SGCD: variants seen among roughly 807,000 people sequenced by gnomAD.
SGCD encodes sarcoglycan delta, also known as delta-sarcoglycan.
A neutral mutation model predicts 36.6 loss-of-function variants in SGCD; 18 were observed. That is an observed-to-expected ratio of 0.49 (90% CI 0.34 to 0.73). SGCD has a LOEUF of 0.73. Ranked by LOEUF, SGCD falls within the 30% of genes least tolerant of loss-of-function variation. The pLI is 0.01. For missense variants in SGCD, 387 were observed against 346.7 expected (o/e 1.12, Z -0.92); for synonymous variants, 133 against 130.6 (o/e 1.02, Z -0.12).
At chr5:156,525,722 T>C (rs1352292018) in intron 4 of SGCD, among the ~76,000 whole-genome samples, 1 of 152,172 alleles carries the variant, frequency 6.6e-6, no homozygotes, top group Non-Finnish European at 1.5e-5. Context: ...GGTCTTATGC[T>C]TAAGCCTTTA....
intron 4 of SGCD, among the ~76,000 whole-genome samples, chr5:156,569,572 A>C (rs1328784690): frequency 6.6e-6 from 1 of 151,598 alleles, no homozygotes; most frequent in African/African-American, 2.4e-5. Flanking sequence ...AGCCTGGGCG[A>C]CAGAGTGCAT....
At chr5:156,452,389 A>G (rs946733178) in intron 3 of SGCD, among the ~76,000 whole-genome samples, 3 of 152,122 alleles carry the variant, frequency 2.0e-5, no homozygotes, top group Non-Finnish European at 2.9e-5. Flanking sequence ...CTCTCTGACC[A>G]CATTCTCCTT....
chr5:156,687,811 A>G (rs1162324711), intron 7 of SGCD, among the ~76,000 whole-genome samples: 2 of 152,200 alleles, frequency 1.3e-5, no homozygotes, highest in Admixed American at 1.3e-4. Context: ...TCCCAAGCTG[A>G]TCACCATGTT....
the SGCD span, among the ~76,000 whole-genome samples, chr5:155,860,297 G>A: frequency 6.6e-6 from 1 of 152,178 alleles, no homozygotes; most frequent in South Asian, 2.1e-4. Context: ...ACTCCAAATG[G>A]TCATTTCCTG....
chr5:156,202,812 T>C (rs1419982535), intron 3 of SGCD, among the ~76,000 whole-genome samples: 1 of 150,846 alleles, frequency 6.6e-6, no homozygotes, highest in Non-Finnish European at 1.5e-5. Context: ...TTGGAGTTAA[T>C]GCAGTTGGGC....
chr5:156,406,799 TATATATATATATATATATATACACAC>T (rs1772439154), intron 3 of SGCD, among the ~76,000 whole-genome samples: 1 of 72,822 alleles, frequency 1.4e-5, no homozygotes, highest in East Asian at 5.1e-4. Context: ...TTTATATATA[TATATATATATATATATATATACACAC>T]ACACACACAC....
intron 6 of SGCD, among the ~76,000 whole-genome samples, chr5:156,597,168 T>C (rs752109396): frequency 3.3e-5 from 5 of 152,210 alleles, no homozygotes; most frequent in Non-Finnish European, 7.3e-5. Context: ...AGAGAAGATA[T>C]TTTTATACAA....
chr5:156,341,481 C>T (rs982581344), intron 2 of SGCD, among the ~76,000 whole-genome samples: 3 of 152,026 alleles, frequency 2.0e-5, no homozygotes, highest in Non-Finnish European at 4.4e-5. Flanking sequence ...AATGTTCCAC[C>T]CTGAGCTCCA....
intron 2 of SGCD, among the ~76,000 whole-genome samples, chr5:156,332,788 A>G (rs1274376559): frequency 1.3e-5 from 2 of 152,200 alleles, no homozygotes; most frequent in African/African-American, 2.4e-5. Context: ...AATACTCACA[A>G]TCTCTGGGGA....
At chr5:155,896,725 A>G (rs1190511214) in intron 1 of SGCD, among the ~76,000 whole-genome samples, 1 of 152,160 alleles carries the variant, frequency 6.6e-6, no homozygotes, top group Non-Finnish European at 1.5e-5. Flanking sequence ...AGTCATTTTC[A>G]AAATGTGCTC....
At chr5:156,713,307 G>T (rs945594785) in intron 7 of SGCD, among the ~76,000 whole-genome samples, 5 of 152,084 alleles carry the variant, frequency 3.3e-5, no homozygotes, top group East Asian at 1.9e-4. Context: ...ATGGACATGG[G>T]AGTTAGTTAT....
At chr5:156,657,126 A>G (rs1398424733) in intron 7 of SGCD, among the ~76,000 whole-genome samples, 2 of 152,098 alleles carry the variant, frequency 1.3e-5, no homozygotes, top group African/African-American at 2.4e-5. Context: ...AAAACAGTCT[A>G]TTAGAGCCTT....
chr5:155,807,075 CTTATT>C, the SGCD span, among the ~76,000 whole-genome samples: 1 of 152,160 alleles, frequency 6.6e-6, no homozygotes, highest in South Asian at 2.1e-4. Flanking sequence ...TGCCTTCTTG[CTTATT>C]TTAAGTGTTA....
chr5:155,746,564 G>T, the SGCD span, among the ~76,000 whole-genome samples: 1 of 152,246 alleles, frequency 6.6e-6, no homozygotes, highest in East Asian at 1.9e-4. Context: ...TTTTTATGAT[G>T]TCAGACTCTT....
intron 3 of SGCD, among the ~76,000 whole-genome samples, chr5:156,459,304 T>TAGTCTA (rs1754386393): frequency 2.6e-5 from 4 of 152,206 alleles, no homozygotes. Flanking sequence ...AGAAAGCTTG[T>TAGTCTA]AGTCTAAGTG....
the SGCD span, among the ~76,000 whole-genome samples, chr5:155,781,051 G>A: frequency 6.6e-6 from 1 of 152,156 alleles, no homozygotes; most frequent in South Asian, 2.1e-4. Flanking sequence ...TCTTTCAGAA[G>A]TCAAGTGAGA....
intron 3 of SGCD, among the ~76,000 whole-genome samples, chr5:156,289,463 C>A (rs1278868159): frequency 6.6e-6 from 1 of 151,922 alleles, no homozygotes; most frequent in African/African-American, 2.4e-5. Flanking sequence ...ACCTCCACCC[C>A]TCACCCCCCA....
intron 3 of SGCD, among the ~76,000 whole-genome samples, chr5:156,440,883 A>G (rs1753460851): frequency 6.6e-6 from 1 of 152,144 alleles, no homozygotes; most frequent in Non-Finnish European, 1.5e-5. Flanking sequence ...AATTACCAAT[A>G]TTATCTTCCA....
chr5:156,624,734 G>T (rs1762380935), intron 6 of SGCD, among the ~76,000 whole-genome samples: 1 of 152,006 alleles, frequency 6.6e-6, no homozygotes, highest in South Asian at 2.1e-4. Context: ...TTTAAAAAAT[G>T]ATCACTTTCC....
Sources: gnomAD v4.1 joint callset for allele counts (sites outside exome capture counted in the v4.1 genomes callset) on GRCh38, gnomAD v4.1.1 for gene constraint, MANE v1.5 for transcripts, NCBI Gene and HGNC (gene_info 2026-07-23, HGNC 2026-07-21) for gene names.